Variants in TAF4 observed in about 807,000 individuals in gnomAD.
The protein encoded by TAF4 is transcription initiation factor TFIID subunit 4.
Under a neutral mutation model 90.3 loss-of-function variants are expected in TAF4, and 9 were observed. That is an observed-to-expected ratio of 0.10 (90% CI 0.06 to 0.17). TAF4 has a LOEUF of 0.17. Ranked by LOEUF, TAF4 falls within the 10% of genes least tolerant of loss-of-function variation. The pLI is 1.00. For synonymous variants in TAF4, 818 were observed against 638.9 expected (o/e 1.28, Z -4.23); for missense variants, 1,351 against 1,370.7 (o/e 0.99, Z 0.23).
At chr20:62,062,819 C>G (rs1344517500) in intron 1 of TAF4, among the ~76,000 whole-genome samples, 1 of 152,186 alleles carries the variant, frequency 6.6e-6, no homozygotes, top group Non-Finnish European at 1.5e-5. Context: ...TGGCTCAGAG[C>G]AAGAGGACCT....
rs750575541 is a variant in TAF4 at position 62,065,089 on chromosome 20, G to A, written c.722C>T (p.Pro241Leu). Reference sequence around the variant, plus strand: ...GGGCGCGGCGGCGCCCACGAAGGGGGGCGTCTGGATGACAGTGCCGGGGGC... The same window carrying A: ...GGGCGCGGCGGCGCCCACGAAGGGGAGCGTCTGGATGACAGTGCCGGGGGC... ...PAAPGTVIQT[P>L]PFVGAAAPPA... Residue 241 changes from proline (P) to leucine (L), a missense_variant, in exon 1 of 15, where the codon CCC becomes CTC. By Grantham distance (98) the Pro-to-Leu change is moderately conservative. This residue lies in a region of TAF4 where 782 missense variants were observed against 536.6 expected (regional missense o/e 1.46). Coordinates refer to ENST00000252996, the MANE Select transcript of TAF4 (RefSeq NM_003185.4). 9.9e-7 allele frequency: 1 copy of A among 1,006,812 alleles called. No homozygotes were observed. Among genetic ancestry groups the A allele is most frequent in the Non-Finnish European group, 1.2e-6 (1 of 841,172 alleles). The allele number at this position is 1,006,812 out of a possible 1,614,324, so 62.4% of individuals were successfully genotyped here. A position where few individuals can be genotyped will look rare whatever the true frequency, so the allele number is the denominator to read the frequency against.
chr20:61,987,448 G>A (rs182016288), intron 14 of TAF4, among the ~76,000 whole-genome samples: 1 of 152,174 alleles, frequency 6.6e-6, no homozygotes, highest in African/African-American at 2.4e-5. Flanking sequence ...AATATACCAA[G>A]AACTCCTGAA....
At chr20:62,022,740 G>C (rs915599184) in intron 1 of TAF4, among the ~76,000 whole-genome samples, 3 of 152,236 alleles carry the variant, frequency 2.0e-5, no homozygotes, top group Non-Finnish European at 4.4e-5. Flanking sequence ...GCAGGCATAA[G>C]GGACGGCGCA....
At chr20:62,062,281 G>A (rs2056093126) in intron 1 of TAF4, among the ~76,000 whole-genome samples, 1 of 152,156 alleles carries the variant, frequency 6.6e-6, no homozygotes, top group Non-Finnish European at 1.5e-5. Flanking sequence ...AATATTCTCT[G>A]ATCAATCGAT....
intron 1 of TAF4, among the ~76,000 whole-genome samples, chr20:62,055,563 A>G (rs1301568420): frequency 1.3e-5 from 2 of 152,214 alleles, no homozygotes; most frequent in Non-Finnish European, 2.9e-5. Flanking sequence ...GCCCTGTGAT[A>G]CAATCAATTC....
chr20:61,996,742 T>A (rs1193340531), intron 14 of TAF4, among the ~76,000 whole-genome samples: 2 of 145,994 alleles, frequency 1.4e-5, no homozygotes, highest in African/African-American at 5.2e-5. Context: ...GAGGTTGCAG[T>A]GAGCCAACAT....
chr20:62,003,324 A>G (rs745580831), intron 8 of TAF4, 50 bp from the exon 9 acceptor site: 1 of 1,465,660 alleles, frequency 6.8e-7, no homozygotes, highest in South Asian at 1.1e-5. Flanking sequence ...TATTAGATCA[A>G]CTATGTGCTT....
chr20:62,006,662 T>C lies in TAF4; in HGVS notation c.2071A>G (p.Thr691Ala). The C allele has an allele frequency of 6.3e-7, 1 of 1,597,502 alleles. No individual in the cohort carries two copies. Among genetic ancestry groups the C allele is most frequent in the Non-Finnish European group, 8.6e-7 (1 of 1,169,350 alleles). ...QPPPPTSQAT[T>A]ALTAVVLSSS... is the part of the protein sequence containing the mutation. ...CTCAGCACCACGGCCGTGAGCGCAG[T>C]GGTGGCCTGCGAGGTGGGCGGTGGC... Residue 691 changes from threonine (T) to alanine (A), a missense_variant, in exon 7 of 15, where the codon ACT becomes GCT. Around this residue, in one of 9 missense-constraint regions of TAF4, gnomAD observed 202 missense variants for 229.7 expected, o/e 0.88. Coordinates refer to ENST00000252996, the MANE Select transcript of TAF4 (RefSeq NM_003185.4). The surrounding 1 kb of genome is among the most constrained non-coding windows in gnomAD (Gnocchi z 7.0).
At position 62,064,625 on chromosome 20, in the gene TAF4, T is replaced by C; in HGVS notation, c.1186A>G (p.Thr396Ala). ...PAAVPPPAPG[T>A]PTGLPKGAAG... is the part of the protein sequence containing the mutation. ...GCGCCTTTGGGCAGCCCGGTGGGGG[T>C]CCCGGGGGCGGGCGGCGGGACGGCG... The change falls in exon 1 of 15, where the codon ACC becomes GCC. Residue 396 changes from threonine to alanine, a missense_variant. Around this residue, in one of 9 missense-constraint regions of TAF4, gnomAD observed 782 missense variants for 536.6 expected, o/e 1.46. Transcript: ENST00000252996. 7.3e-7 allele frequency: 1 copy of C among 1,364,888 alleles called. No homozygotes were observed. The highest frequency in any genetic ancestry group is 9.4e-7 in the Non-Finnish European group (1 of 1,065,562). 84.5% of individuals were successfully genotyped at this position (1,364,888 alleles called of 1,614,324 possible).
At chr20:62,005,100 A>C (rs548449606) in intron 7 of TAF4, 1 of 152,484 alleles carries the variant, frequency 6.6e-6, no homozygotes, top group South Asian at 2.1e-4. Flanking sequence ...GTCTCCAACG[A>C]AACAGGAACA....
Position 62,064,785 on chromosome 20 carries a change from G to A in TAF4, c.1026C>T (p.Val342=), listed in dbSNP as rs1181921956. Reference sequence around the variant, plus strand: ...CCACCCTCTTGGGCGACTCGGCCTTGACCCCCGGCGCCGGCGCCGCAGCCG... The same window carrying A: ...CCACCCTCTTGGGCGACTCGGCCTTAACCCCCGGCGCCGGCGCCGCAGCCG... ...GAAAAAPAPG[V]KAESPKRVVQ... is the part of the protein sequence containing the mutation. Residue 342 remains valine, a synonymous_variant, in exon 1 of 15, where the codon GTC becomes GTT. Coordinates refer to ENST00000252996, the MANE Select transcript of TAF4 (RefSeq NM_003185.4). The A allele has an allele frequency of 5.6e-6, 6 of 1,067,074 alleles. No homozygotes were observed. The African/African-American group carries it at 8.6e-5, about 15-fold the overall frequency. 66.1% of individuals were successfully genotyped at this position (1,067,074 alleles called of 1,614,324 possible). A position where few individuals can be genotyped will look rare whatever the true frequency, so the allele number is the denominator to read the frequency against.
intron 2 of TAF4, among the ~76,000 whole-genome samples, chr20:62,014,046 ATG>A (rs994940148): frequency 5.7e-4 from 42 of 73,846 alleles, no homozygotes; most frequent in South Asian, 1.0e-3. Context: ...GTGTGTGTGT[ATG>A]TGTGTGTGTG....
chr20:62,026,332 G>C (rs2055874536), intron 1 of TAF4, among the ~76,000 whole-genome samples: 1 of 152,134 alleles, frequency 6.6e-6, no homozygotes, highest in Non-Finnish European at 1.5e-5. Flanking sequence ...CACCCCAAGC[G>C]ATCACACCCT....
rs182388084 is a variant in TAF4, at chr20:61,975,032, G to C, written c.*1136C>G. On this transcript the variant is annotated 3_prime_UTR_variant, in exon 15 of 15. Coordinates refer to ENST00000252996, the MANE Select transcript of TAF4 (RefSeq NM_003185.4). The stretch of plus-strand genomic sequence containing the variant: ...ATCAGCGTTCAGTTCACACGCGCTC[G>C]AATTAAAGTCTAATGTGAGAATTCA... The C allele has an allele frequency of 6.6e-6, 1 of 152,320 alleles. No homozygotes were observed. Among genetic ancestry groups the C allele is most frequent in the Non-Finnish European group, 1.5e-5 (1 of 68,030 alleles). The allele number at this position is 152,320 out of a possible 1,614,324, so 9.4% of individuals were successfully genotyped here.
chr20:62,011,133 G>C (rs927282948), intron 3 of TAF4, among the ~76,000 whole-genome samples: 3 of 152,208 alleles, frequency 2.0e-5, no homozygotes, highest in Non-Finnish European at 4.4e-5. Context: ...GGGCTGTGAG[G>C]AGGCAGCAGG....
intron 11 of TAF4, 56 bp from the exon 12 acceptor site, chr20:61,999,164 G>A (rs2055682266): frequency 1.9e-6 from 3 of 1,595,746 alleles, no homozygotes; most frequent in Non-Finnish European, 2.6e-6. Flanking sequence ...AGCAAGCAAA[G>A]GGGTTGTCTA....
rs1423115599 is a variant in TAF4, at chr20:62,064,440, C to T, written c.1360+11G>A. ...AGCCGCCCTTCCCTCCCGCCCCGTGCGGCCACTCACCTGGGGGCAGCTGGA... is the reference window on the plus strand; with the variant it reads ...AGCCGCCCTTCCCTCCCGCCCCGTGTGGCCACTCACCTGGGGGCAGCTGGA... On this transcript the variant is annotated intron_variant, in intron 1 of 14. Coordinates refer to ENST00000252996, the MANE Select transcript of TAF4 (RefSeq NM_003185.4). 3.6e-6 allele frequency: 5 copies of T among 1,374,766 alleles called. No homozygotes were observed. The highest frequency in any genetic ancestry group is 1.9e-6 in the Non-Finnish European group (2 of 1,056,166). The allele number at this position is 1,374,766 out of a possible 1,614,324, so 85.2% of individuals were successfully genotyped here. A position where few individuals can be genotyped will look rare whatever the true frequency, so the allele number is the denominator to read the frequency against.
chr20:61,982,229 C>CG (rs2055550858), intron 14 of TAF4, among the ~76,000 whole-genome samples: 1 of 7,598 alleles, frequency 1.3e-4, no homozygotes. Context: ...CCCACACCCA[C>CG]TGAGAGGAAA....
chr20:62,044,972 T>C (rs2055984929), intron 1 of TAF4, among the ~76,000 whole-genome samples: 2 of 152,060 alleles, frequency 1.3e-5, no homozygotes, highest in South Asian at 4.1e-4. Context: ...CAGTCCGACA[T>C]GGCAATGGAC....
Sources: allele counts gnomAD v4.1 joint callset (sites outside exome capture counted in the v4.1 genomes callset), GRCh38; gene constraint gnomAD v4.1.1; regional missense constraint gnomAD v4.1.1; non-coding constraint Gnocchi (gnomAD v3.1); transcripts MANE v1.5; gene names NCBI Gene and HGNC (gene_info 2026-07-23, HGNC 2026-07-21).